PSMA3: variants seen among roughly 807,000 people sequenced by gnomAD.
PSMA3 encodes proteasome subunit alpha type-3.
Under a neutral mutation model 40.0 loss-of-function variants are expected in PSMA3, and 8 were observed. The ratio of observed to expected loss-of-function variants is 0.20; its 90% CI spans 0.12 to 0.36. PSMA3 has a LOEUF of 0.36. PSMA3 is among the 10% of genes least tolerant of loss of function. The probability of loss-of-function intolerance (pLI) is 1.00; values close to 1 mark genes in which losing one functional copy is unlikely to be tolerated. For missense variants in PSMA3, 219 were observed against 310.6 expected (o/e 0.70, Z 2.22); for synonymous variants, 110 against 100.0 (o/e 1.10, Z -0.59).
At chr14:58,271,780 T>G (rs952127855) in intron 10 of PSMA3, 71 bp from the exon 11 acceptor site, 4 of 1,117,492 alleles carry the variant, frequency 3.6e-6, no homozygotes, top group African/African-American at 3.1e-5. Context: ...TTGTTGTAGC[T>G]TAACTTGCCC....
At chr14:58,263,080 T>G (rs1890329643) in intron 6 of PSMA3, among the ~76,000 whole-genome samples, 1 of 151,626 alleles carries the variant, frequency 6.6e-6, no homozygotes, top group Non-Finnish European at 1.5e-5. Flanking sequence ...CCTCCCAGAT[T>G]CAAGCGATTC....
At chr14:58,271,571 T>A (rs1054850611) in intron 10 of PSMA3, among the ~76,000 whole-genome samples, 2 of 152,108 alleles carry the variant, frequency 1.3e-5, no homozygotes, top group African/African-American at 4.8e-5. Context: ...TGAACTCACG[T>A]GATCTGCCTA....
intron 8 of PSMA3, chr14:58,269,678 C>A (rs949248399): frequency 6.6e-6 from 1 of 151,744 alleles, no homozygotes; most frequent in Non-Finnish European, 1.5e-5. Context: ...ATGATCCACC[C>A]GCCTCTGCCT....
At chr14:58,258,556 G>A (rs1165410326) in intron 5 of PSMA3, 2 of 151,478 alleles carry the variant, frequency 1.3e-5, no homozygotes, top group African/African-American at 2.4e-5. Context: ...ATAAGCTCTC[G>A]GTGTTAGTCC....
At chr14:58,245,772 G>A (rs1889867211) in intron 1 of PSMA3, among the ~76,000 whole-genome samples, 1 of 152,170 alleles carries the variant, frequency 6.6e-6, no homozygotes, top group Admixed American at 6.5e-5. Flanking sequence ...ATTGAATAAT[G>A]AGTTTCTCAG....
At position 58,257,788 on chromosome 14, in the gene PSMA3, T is replaced by C; in HGVS notation, c.272T>C (p.Ile91Thr). 3 of 1,613,560 alleles carry C rather than the reference T, an allele frequency of 1.9e-6. No homozygotes were observed. The highest frequency in any genetic ancestry group is 2.5e-6 in the Non-Finnish European group (3 of 1,179,598). ...GCAGATGCTCGTTCTTTAGCAGACA[T>C]AGCAAGAGAAGAAGCTTCCAACTTC... ...LLADARSLADIAREEASNFRS... is the reference protein window; with the variant it reads ...LLADARSLADTAREEASNFRS... The change falls in exon 4 of 11, where the codon ATA becomes ACA. Residue 91 changes from isoleucine to threonine, a missense_variant. By Grantham distance (89) the Ile-to-Thr change is moderately conservative. Coordinates refer to ENST00000216455, the MANE Select transcript of PSMA3 (RefSeq NM_002788.4).
chr14:58,256,981 A>T (rs1890158801), intron 3 of PSMA3, among the ~76,000 whole-genome samples: 1 of 151,410 alleles, frequency 6.6e-6, no homozygotes, highest in Non-Finnish European at 1.5e-5. Flanking sequence ...AAAATTAGCC[A>T]ATCCCAGCTA....
chr14:58,245,420 G>GT lies in PSMA3; in HGVS notation c.21+482dup, dbSNP rs1351573159. On this transcript the variant is annotated intron_variant, in intron 1 of 10. Coordinates refer to ENST00000216455, the MANE Select transcript of PSMA3 (RefSeq NM_002788.4). The stretch of plus-strand genomic sequence containing the variant: ...AAGTGTGCAGATCATTGACCGCTCA[G>GT]TTTAAGAGTCACTGGAAATCCTGTC... 4 of 156,774 alleles carry GT rather than the reference G, an allele frequency of 2.6e-5. No individual in the cohort carries two copies. In the South Asian group the frequency reaches 5.0e-4, roughly 20 times the overall value. The allele number at this position is 156,774 out of a possible 1,614,324, so 9.7% of individuals were successfully genotyped here.
chr14:58,259,357 C>G (rs527414728), intron 5 of PSMA3, among the ~76,000 whole-genome samples: 2 of 152,004 alleles, frequency 1.3e-5, no homozygotes, highest in African/African-American at 2.4e-5. Flanking sequence ...CTCTGTCGCC[C>G]AGGCTGGAAT....
chr14:58,271,370 C>A (rs1890618894), intron 10 of PSMA3, among the ~76,000 whole-genome samples: 1 of 134,376 alleles, frequency 7.4e-6, no homozygotes, highest in Non-Finnish European at 1.5e-5. Context: ...TGCTCTGTCA[C>A]CCAGGCTGGA....
intron 2 of PSMA3, among the ~76,000 whole-genome samples, chr14:58,248,431 C>T (rs919642470): frequency 1.3e-5 from 2 of 151,810 alleles, no homozygotes; most frequent in Admixed American, 6.6e-5. Context: ...GGTTTTGCCA[C>T]GTTGGCCAGG....
intron 1 of PSMA3, among the ~76,000 whole-genome samples, chr14:58,247,334 G>A (rs891495491): frequency 3.9e-5 from 6 of 152,114 alleles, no homozygotes; most frequent in African/African-American, 1.4e-4. Context: ...TTTGTATTCC[G>A]TATAGTAACA....
intron 6 of PSMA3, among the ~76,000 whole-genome samples, chr14:58,262,064 G>T (rs1317335380): frequency 6.6e-6 from 1 of 152,028 alleles, no homozygotes; most frequent in Non-Finnish European, 1.5e-5. Flanking sequence ...TGATTAGCTG[G>T]GATTACAGGC....
intron 6 of PSMA3, among the ~76,000 whole-genome samples, chr14:58,262,308 A>G (rs1890305218): frequency 6.6e-6 from 1 of 152,044 alleles, no homozygotes; most frequent in Non-Finnish European, 1.5e-5. Flanking sequence ...CCCCAGTTCA[A>G]GCAATTCTGC....
intron 8 of PSMA3, chr14:58,269,435 T>A (rs1490409199): frequency 6.6e-6 from 1 of 152,064 alleles, no homozygotes; most frequent in East Asian, 1.9e-4. Context: ...ATTAGTTTTT[T>A]TTTTTTTATT....
chr14:58,249,784 G>A (rs1010580125), intron 2 of PSMA3, among the ~76,000 whole-genome samples: 106 of 152,162 alleles, frequency 7.0e-4, no homozygotes, highest in African/African-American at 2.5e-3. Flanking sequence ...GGTATTATAG[G>A]TGTGAGCCAC....
chr14:58,270,265 C>G (rs1269905182), intron 8 of PSMA3, 153 bp from the exon 9 acceptor site: 1 of 1,092,514 alleles, frequency 9.2e-7, no homozygotes, highest in East Asian at 2.8e-5. Flanking sequence ...AATTTGTCTT[C>G]TCTAATGTTA....
At chr14:58,264,450 A>G (rs1173772599) in intron 7 of PSMA3, among the ~76,000 whole-genome samples, 2 of 152,190 alleles carry the variant, frequency 1.3e-5, no homozygotes, top group African/African-American at 4.8e-5. Context: ...CCTTTTAGCC[A>G]TGCGTTGATC....
At chr14:58,251,017 C>T (rs1199788835) in intron 2 of PSMA3, among the ~76,000 whole-genome samples, 3 of 152,076 alleles carry the variant, frequency 2.0e-5, no homozygotes, top group Non-Finnish European at 4.4e-5. Flanking sequence ...GTCCCAGCTA[C>T]TGAGGCTGAG....
Sources: allele counts gnomAD v4.1 joint callset (sites outside exome capture counted in the v4.1 genomes callset), GRCh38; gene constraint gnomAD v4.1.1; transcripts MANE v1.5; gene names NCBI Gene and HGNC (gene_info 2026-07-23, HGNC 2026-07-21).